DTD2: variants seen among roughly 807,000 people sequenced by gnomAD.
The protein encoded by DTD2 is D-aminoacyl-tRNA deacylase 2.
DTD2 carries 12 observed loss-of-function variants against 15.5 expected under a neutral mutation model. The observed-to-expected ratio is 0.77, with a 90% CI of 0.50 to 1.25. The LOEUF is 1.25. Ranked by LOEUF, DTD2 falls within the 50% of genes most tolerant of loss-of-function variation. The pLI, the probability that DTD2 is intolerant of heterozygous loss-of-function variation, is 0.00. For synonymous variants in DTD2, 59 were observed against 77.3 expected, an observed-to-expected ratio of 0.76 and a Z score of 1.24; for missense variants, 170 against 201.1, an observed-to-expected ratio of 0.85 and a Z score of 0.93.
rs995009381 is a variant in DTD2 at position 31,447,119 on chromosome 14, A to G, written c.*1010T>C. On this transcript the variant is annotated 3_prime_UTR_variant, in exon 3 of 3. Coordinates refer to ENST00000310850, the MANE Select transcript of DTD2 (RefSeq NM_080664.3). ...TCCCTGGAAAGTAATATAACACACA[A>G]TAACCCTTCTATATTACATATATAT... 1 of 152,156 alleles carries G rather than the reference A, an allele frequency of 6.6e-6. No individual in the cohort carries two copies. Among genetic ancestry groups the G allele is most frequent in the Non-Finnish European group, 1.5e-5 (1 of 68,028 alleles). 9.4% of individuals were successfully genotyped at this position (152,156 alleles called of 1,614,324 possible). A position where few individuals can be genotyped will look rare whatever the true frequency, so the allele number is the denominator to read the frequency against.
chr14:31,448,451 T>C lies in DTD2; in HGVS notation c.185A>G (p.Asn62Ser), dbSNP rs945525653. 3.8e-6 allele frequency: 6 copies of C among 1,594,492 alleles called. No individual in the cohort carries two copies. In the East Asian group the frequency reaches 9.0e-5, roughly 24 times the overall value. The change falls in exon 3 of 3, where the codon AAT (asparagine) becomes AGT (serine). Residue 62 changes from asparagine to serine, a missense_variant. Coordinates refer to ENST00000310850, the MANE Select transcript of DTD2 (RefSeq NM_080664.3). ...ADKELLPKMVNTLLNVKLSET... is the reference protein window; with the variant it reads ...ADKELLPKMVSTLLNVKLSET... ...ACTTAATTTCACATTTAACAGTGTA[T>C]TAACTGGGTGAGGAAGAAAGGCAAA...
intron 2 of DTD2, among the ~76,000 whole-genome samples, chr14:31,449,751 A>G (rs8012658): frequency 2.0e-5 from 3 of 151,962 alleles, no homozygotes; most frequent in Admixed American, 6.5e-5. Context: ...AAGGAACTAC[A>G]TAAACTTCAA....
rs1427215409 is a variant in DTD2, at chr14:31,457,488, C to T, written c.-95G>A. The T allele has an allele frequency of 1.5e-5, 14 of 955,634 alleles. No individual in the cohort carries two copies. Among genetic ancestry groups the T allele is most frequent in the Non-Finnish European group, 3.0e-6 (2 of 673,460 alleles). 59.2% of individuals were successfully genotyped at this position (955,634 alleles called of 1,614,324 possible). On this transcript the variant is annotated 5_prime_UTR_variant, in exon 1 of 3. Transcript: ENST00000310850. ...GCGGGGCAGACGAGGCGGGGCACGA[C>T]GAAGGGCCTGCGCCGATTGCCCAGT...
chr14:31,450,371 T>C (rs572152753), intron 2 of DTD2, among the ~76,000 whole-genome samples: 2 of 152,350 alleles, frequency 1.3e-5, no homozygotes, highest in South Asian at 2.1e-4. Flanking sequence ...TAATGATGTA[T>C]AGGAGATGTT....
At chr14:31,452,818 CTA>C (rs1185803411) in intron 2 of DTD2, 2 of 152,736 alleles carry the variant, frequency 1.3e-5, no homozygotes, top group African/African-American at 4.8e-5. Flanking sequence ...TAAAATATCA[CTA>C]TGTATCCCAT....
intron 1 of DTD2, 76 bp downstream of exon 1, chr14:31,457,207 G>A (rs764595789): frequency 4.5e-6 from 6 of 1,334,712 alleles, no homozygotes; most frequent in Non-Finnish European, 6.2e-6. Context: ...ACACAGAGCG[G>A]ACGAGTCACC....
chr14:31,450,415 A>G (rs1442425900), intron 2 of DTD2, among the ~76,000 whole-genome samples: 3 of 152,208 alleles, frequency 2.0e-5, no homozygotes, highest in African/African-American at 7.2e-5. Context: ...TCTCTGTCCA[A>G]TTATACTGAA....
chr14:31,448,695 A>C (rs2031992656), intron 2 of DTD2, among the ~76,000 whole-genome samples: 1 of 152,232 alleles, frequency 6.6e-6, no homozygotes, highest in Non-Finnish European at 1.5e-5. Context: ...GGCAGTTAAG[A>C]TAACCTAACA....
rs554496030 is a variant in DTD2, at chr14:31,457,225, C to T, written c.111+58G>A. ...CAGAGCGGACGAGTCACCGAGACAA[C>T]GCGGAAAAAACCGCCCCGCACGCCG... On this transcript the variant is annotated intron_variant, in intron 1 of 2. Coordinates refer to ENST00000310850, the MANE Select transcript of DTD2 (RefSeq NM_080664.3). 22 of 1,463,928 alleles carry T rather than the reference C, an allele frequency of 1.5e-5. 1 individual carries two copies. In the Admixed American group the frequency reaches 3.8e-4, roughly 25 times the overall value. 90.7% of individuals were successfully genotyped at this position (1,463,928 alleles called of 1,614,324 possible).
At chr14:31,453,024 A>T (rs1393852577) in intron 2 of DTD2, 5 of 308,474 alleles carry the variant, frequency 1.6e-5, no homozygotes, top group Non-Finnish European at 1.8e-5. Flanking sequence ...TGCAGCCTCG[A>T]CCTCCTGGCC....
intron 2 of DTD2, 41 bp downstream of exon 2, chr14:31,453,234 G>A: frequency 6.3e-7 from 1 of 1,584,144 alleles, no homozygotes; most frequent in Non-Finnish European, 8.7e-7. Context: ...CACCATGCTT[G>A]GCCTCTCACT....
chr14:31,457,172 G>T, intron 1 of DTD2, 111 bp downstream of exon 1: 1 of 1,046,212 alleles, frequency 9.6e-7, no homozygotes, highest in South Asian at 1.4e-5. Flanking sequence ...TATCCCCGCG[G>T]CCGGACCGCC....
rs753012111 is a variant in DTD2 at position 31,448,099 on chromosome 14, A to C, written c.*30T>G. ...TATACTTTAGATCATTTCATACCAG[A>C]AAACAGCTATAGAAACTAGTTTTTC... On this transcript the variant is annotated 3_prime_UTR_variant, in exon 3 of 3. Transcript: ENST00000310850. The C allele has an allele frequency of 2.0e-6, 3 of 1,523,786 alleles. No homozygotes were observed. The highest frequency in any genetic ancestry group is 2.7e-6 in the Non-Finnish European group (3 of 1,122,920). 94.4% of individuals were successfully genotyped at this position (1,523,786 alleles called of 1,614,324 possible).
Position 31,453,430 on chromosome 14 carries a change from ATAT to A in DTD2, c.112-89_112-87del, listed in dbSNP as rs2032061452. The A allele has an allele frequency of 9.6e-6, 11 of 1,142,336 alleles. No individual in the cohort carries two copies. The Middle Eastern group carries it at 6.1e-4, about 63-fold the overall frequency. The allele number at this position is 1,142,336 out of a possible 1,614,324, so 70.8% of individuals were successfully genotyped here. ...AATGGGTACAGTTTCACAACTATTA[ATAT>A]TATAGACATAGAGGTTAAAAGCACA... On this transcript the variant is annotated intron_variant, in intron 1 of 2. Coordinates refer to ENST00000310850, the MANE Select transcript of DTD2 (RefSeq NM_080664.3).
chr14:31,454,369 G>A (rs1050927231), intron 1 of DTD2, among the ~76,000 whole-genome samples: 2 of 152,110 alleles, frequency 1.3e-5, no homozygotes, highest in Non-Finnish European at 2.9e-5. Context: ...GGCTCTATGC[G>A]TTATCCAAAG....
At chr14:31,450,588 T>A (rs1317723067) in intron 2 of DTD2, among the ~76,000 whole-genome samples, 1 of 152,192 alleles carries the variant, frequency 6.6e-6, no homozygotes. Context: ...CCCACCACAT[T>A]GACTTACTTA....
chr14:31,454,594 A>G (rs986188338), intron 1 of DTD2, among the ~76,000 whole-genome samples: 1 of 152,220 alleles, frequency 6.6e-6, no homozygotes, highest in Admixed American at 6.5e-5. Context: ...AATCTTAAGC[A>G]TATTTATATT....
chr14:31,453,696 G>A (rs980556363), intron 1 of DTD2, among the ~76,000 whole-genome samples: 2 of 152,166 alleles, frequency 1.3e-5, no homozygotes, highest in Non-Finnish European at 2.9e-5. Flanking sequence ...TTTATTCAAT[G>A]CCAAGTGAAT....
chr14:31,448,892 T>A (rs1227964256), intron 2 of DTD2, among the ~76,000 whole-genome samples: 2 of 152,154 alleles, frequency 1.3e-5, no homozygotes, highest in Non-Finnish European at 2.9e-5. Flanking sequence ...GCTTGCTTTA[T>A]TTATTTATGT....
Sources: gnomAD v4.1 joint callset for allele counts (sites outside exome capture counted in the v4.1 genomes callset) on GRCh38, gnomAD v4.1.1 for gene constraint, MANE v1.5 for transcripts, NCBI Gene and HGNC (gene_info 2026-07-23, HGNC 2026-07-21) for gene names.